The following GAD2 variants were observed in gnomAD, a reference collection of about 807,000 sequenced individuals.
GAD2 encodes the protein 65 kDa glutamic acid decarboxylase.
In GAD2, 22 loss-of-function variants were observed where a neutral mutation model predicts 80.1. The observed-to-expected ratio is 0.27, with a 90% CI of 0.20 to 0.39. The LOEUF (loss-of-function observed/expected upper bound fraction) is 0.39, where lower values mean the gene tolerates loss of function less well. GAD2 is among the 10% of genes least tolerant of loss of function. GAD2 has a pLI of 1.00. For synonymous variants in GAD2, 274 were observed against 256.9 expected, an observed-to-expected ratio of 1.07 and a Z score of -0.64; for missense variants, 624 against 738.4, an observed-to-expected ratio of 0.85 and a Z score of 1.80.
chr10:26,284,109 C>T (rs4749108), intron 12 of GAD2, among the ~76,000 whole-genome samples: 34,183 of 152,082 alleles, frequency 0.22, 4,194 homozygotes, highest in African/African-American at 0.32. Context: ...TAAACGAGCT[C>T]TAAATTCCCT....
intron 8 of GAD2, among the ~76,000 whole-genome samples, chr10:26,257,447 C>T (rs1311765487): frequency 6.6e-6 from 1 of 152,218 alleles, no homozygotes; most frequent in Non-Finnish European, 1.5e-5. Context: ...CCATTCACCT[C>T]TTTCTCCTCC....
At chr10:26,231,483 T>C (rs1215664755) in intron 7 of GAD2, among the ~76,000 whole-genome samples, 1 of 152,220 alleles carries the variant, frequency 6.6e-6, no homozygotes, top group Non-Finnish European at 1.5e-5. Flanking sequence ...AGCAATTCCA[T>C]GTTAACAAAT....
chr10:26,265,917 C>T (rs1294284975), intron 8 of GAD2, among the ~76,000 whole-genome samples: 1 of 152,240 alleles, frequency 6.6e-6, no homozygotes, highest in East Asian at 1.9e-4. Context: ...AAGGCTACAT[C>T]TGGAGCTCCT....
chr10:26,281,472 A>T (rs948470645), intron 12 of GAD2, among the ~76,000 whole-genome samples: 1 of 152,076 alleles, frequency 6.6e-6, no homozygotes, highest in Non-Finnish European at 1.5e-5. Context: ...TATACATGAT[A>T]TAGGATTAAG....
chr10:26,247,451 T>G (rs1268363552), intron 8 of GAD2, among the ~76,000 whole-genome samples: 1 of 152,102 alleles, frequency 6.6e-6, no homozygotes, highest in Non-Finnish European at 1.5e-5. Context: ...CCAGCTCCTA[T>G]TCAAGATGGA....
At chr10:26,284,770 C>T (rs1489838937) in intron 12 of GAD2, among the ~76,000 whole-genome samples, 5 of 151,914 alleles carry the variant, frequency 3.3e-5, no homozygotes, top group Non-Finnish European at 2.9e-5. Flanking sequence ...GGGGTTTCAC[C>T]GTGTTAGCCA....
chr10:26,269,159 G>C lies in GAD2; in HGVS notation c.961G>C (p.Glu321Gln), dbSNP rs184183531. Reference sequence around the variant, plus strand: ...ATCTGATCTTGAAAGAAGGATTCTTGAAGCCAAACAGAAAGTAAGTTTCTG... The same window carrying C: ...ATCTGATCTTGAAAGAAGGATTCTTCAAGCCAAACAGAAAGTAAGTTTCTG... ...IPSDLERRILEAKQKGFVPFL... is the reference protein window; with the variant it reads ...IPSDLERRILQAKQKGFVPFL... The change falls in exon 9 of 16, where the codon GAA becomes CAA. Residue 321 changes from glutamate (E) to glutamine (Q), a missense_variant. By Grantham distance (29) the Glu-to-Gln change is conservative. Coordinates refer to ENST00000376261, the MANE Select transcript of GAD2 (RefSeq NM_001134366.2). 6 of 1,598,956 alleles carry C rather than the reference G, an allele frequency of 3.8e-6. No homozygotes were observed. The Admixed American group carries it at 8.6e-5, about 23-fold the overall frequency.
intron 15 of GAD2, among the ~76,000 whole-genome samples, chr10:26,293,342 C>A (rs998951615): frequency 1.3e-5 from 2 of 151,682 alleles, no homozygotes; most frequent in African/African-American, 4.8e-5. Context: ...CACGCCCAGA[C>A]AATTTTTGTA....
chr10:26,235,970 C>T (rs1045438582), intron 7 of GAD2, among the ~76,000 whole-genome samples: 1 of 152,170 alleles, frequency 6.6e-6, no homozygotes, highest in Non-Finnish European at 1.5e-5. Context: ...GGCAAATCAC[C>T]GTAACTAATT....
At chr10:26,230,172 A>T (rs1844581683) in intron 7 of GAD2, among the ~76,000 whole-genome samples, 1 of 149,410 alleles carries the variant, frequency 6.7e-6, no homozygotes, top group Non-Finnish European at 1.5e-5. Context: ...TGTCTAAAAG[A>T]AAAAAAAAAG....
chr10:26,227,853 GGATTCTACCT>G (rs1256450025), intron 6 of GAD2, among the ~76,000 whole-genome samples: 2 of 152,204 alleles, frequency 1.3e-5, no homozygotes, highest in African/African-American at 2.4e-5. Context: ...GGCGTGACCT[GGATTCTACCT>G]GATTCTACCT....
At chr10:26,253,880 C>T (rs568578193) in intron 8 of GAD2, among the ~76,000 whole-genome samples, 9 of 152,196 alleles carry the variant, frequency 5.9e-5, no homozygotes, top group African/African-American at 2.2e-4. Flanking sequence ...AGGTCCCCAA[C>T]CTTTTTGGCA....
intron 12 of GAD2, among the ~76,000 whole-genome samples, chr10:26,285,030 T>C (rs902403041): frequency 1.3e-5 from 2 of 152,182 alleles, no homozygotes; most frequent in African/African-American, 4.8e-5. Flanking sequence ...TGGTACAAAG[T>C]TTCTGTGACC....
chr10:26,280,156 T>G (rs565615455), intron 11 of GAD2, among the ~76,000 whole-genome samples: 1 of 152,284 alleles, frequency 6.6e-6, no homozygotes, highest in East Asian at 1.9e-4. Flanking sequence ...ATGCTGCCAC[T>G]GGAGCAGGGG....
At chr10:26,279,216 G>C (rs1018886114) in intron 11 of GAD2, among the ~76,000 whole-genome samples, 1 of 152,064 alleles carries the variant, frequency 6.6e-6, no homozygotes, top group Non-Finnish European at 1.5e-5. Flanking sequence ...GTGGAAGTGA[G>C]GGAGAGAAGC....
intron 6 of GAD2, among the ~76,000 whole-genome samples, chr10:26,224,938 G>A (rs1387165293): frequency 6.6e-6 from 1 of 152,224 alleles, no homozygotes; most frequent in Non-Finnish European, 1.5e-5. Context: ...TACGGATAAT[G>A]TGGAACAAAG....
intron 7 of GAD2, among the ~76,000 whole-genome samples, chr10:26,230,222 C>T (rs550093252): frequency 4.6e-5 from 7 of 151,964 alleles, no homozygotes; most frequent in African/African-American, 1.4e-4. Context: ...TTCGCTTCTG[C>T]GCAATCAAGT....
intron 9 of GAD2, 49 bp from the exon 10 acceptor site, chr10:26,270,591 G>C (rs1161474316): frequency 7.5e-7 from 1 of 1,324,726 alleles, no homozygotes; most frequent in Non-Finnish European, 1.1e-6. Context: ...CTTTTTAAAA[G>C]AACCCTTGAC....
intron 9 of GAD2, among the ~76,000 whole-genome samples, chr10:26,269,841 C>T (rs553396555): frequency 7.9e-5 from 12 of 152,136 alleles, no homozygotes; most frequent in South Asian, 2.1e-4. Flanking sequence ...TGCCCTTTTT[C>T]GTTTGGTTTT....
Sources: allele counts gnomAD v4.1 joint callset (sites outside exome capture counted in the v4.1 genomes callset), GRCh38; gene constraint gnomAD v4.1.1; transcripts MANE v1.5; gene names NCBI Gene and HGNC (gene_info 2026-07-23, HGNC 2026-07-21).